The following GPR34 variants were observed in gnomAD, a reference collection of about 807,000 sequenced individuals.
GPR34 encodes probable G protein-coupled receptor 34.
A neutral mutation model predicts 14.1 loss-of-function variants in GPR34; 3 were observed. That is an observed-to-expected ratio of 0.21 (90% confidence interval 0.10 to 0.55). The LOEUF (loss-of-function observed/expected upper bound fraction) is 0.55. Among genes scored for constraint, GPR34 ranks in the 20% least tolerant of loss-of-function variants. The pLI, the probability that GPR34 is intolerant of heterozygous loss-of-function variation, is 0.94. For missense variants in GPR34, 213 were observed against 292.8 expected (o/e 0.73, Z 1.99); for synonymous variants, 99 against 99.9 (o/e 0.99, Z 0.05).
Position 41,696,531 on chromosome X carries a change from T to C in GPR34, c.898T>C (p.Tyr300His), listed in dbSNP as rs751837594. Residue 300 changes from tyrosine to histidine, a missense_variant, in exon 3 of 3, where the codon TAC becomes CAC. Transcript: ENST00000378142. ...TTCACAGCTAAATGTATCATCTTGC[T>C]ACTGGAAAGAAATTGTTCACAAAAC... is the stretch of plus-strand genomic sequence containing the variant. ...ISSQLNVSSC[Y>H]WKEIVHKTNE... 5 of 1,209,033 alleles carry C rather than the reference T, an allele frequency of 4.1e-6. No homozygotes were observed. The South Asian group carries it at 7.0e-5, about 17-fold the overall frequency.
chrX:41,693,626 AAAAC>A (rs781393514), intron 2 of GPR34, among the ~76,000 whole-genome samples: 42 of 111,886 alleles, frequency 3.8e-4, no homozygotes, highest in South Asian at 7.4e-4. Flanking sequence ...AAAACAAAAC[AAAAC>A]AAACAAACAA....
At chrX:41,689,343 G>T (rs1244287377) in intron 1 of GPR34, among the ~76,000 whole-genome samples, 1 of 111,798 alleles carries the variant, frequency 8.9e-6, no homozygotes, top group Non-Finnish European at 1.9e-5. Context: ...TAGTCACATT[G>T]TTGATACTGC....
chrX:41,695,462 T>C (rs746565236), intron 2 of GPR34, 93 bp from the exon 3 acceptor site: 21 of 430,838 alleles, frequency 4.9e-5, no homozygotes, highest in African/African-American at 4.3e-4. Context: ...ACCATAGGCG[T>C]GTGCTGGGAA....
At chrX:41,693,019 A>T (rs1207954882) in intron 2 of GPR34, among the ~76,000 whole-genome samples, 1 of 111,926 alleles carries the variant, frequency 8.9e-6, no homozygotes, top group Non-Finnish European at 1.9e-5. Flanking sequence ...AGAGAGCCGA[A>T]CAAAATTGAC....
chrX:41,690,710 G>A (rs1031149557), intron 2 of GPR34, among the ~76,000 whole-genome samples: 8 of 99,706 alleles, frequency 8.0e-5, no homozygotes, highest in African/African-American at 2.6e-4. Context: ...GTCTTACTCC[G>A]TCACCCAGGC....
chrX:41,692,037 G>A (rs2067576083), intron 2 of GPR34, among the ~76,000 whole-genome samples: 1 of 110,728 alleles, frequency 9.0e-6, no homozygotes, highest in Non-Finnish European at 1.9e-5. Context: ...GGGATTACAG[G>A]CGTGAGCCAC....
intron 2 of GPR34, among the ~76,000 whole-genome samples, chrX:41,691,886 A>G (rs927182800): frequency 9.3e-6 from 1 of 107,561 alleles, no homozygotes; most frequent in Non-Finnish European, 1.9e-5. Flanking sequence ...GCCAAGAGTA[A>G]AGATCATAAC....
chrX:41,695,906 T>C lies in GPR34; in HGVS notation c.273T>C (p.Ile91=), dbSNP rs767887430. 8.3e-7 allele frequency: 1 copy of C among 1,209,484 alleles called. No individual in the cohort carries two copies. Among genetic ancestry groups the C allele is most frequent in the Admixed American group, 2.2e-5 (1 of 45,956 alleles). The change falls in exon 3 of 3, where the codon ATT becomes ATC. Residue 91 remains isoleucine, a synonymous_variant. Coordinates refer to ENST00000378142, the MANE Select transcript of GPR34 (RefSeq NM_001097579.2). ...ACCGTAAAAGAAATTCCATTCAAAT[T>C]TATCTACTTAACGTAGCCATTGCAG... ...GIHRKRNSIQ[I]YLLNVAIADL...
Position 41,695,845 on chromosome X carries a change from G to A in GPR34, c.212G>A (p.Gly71Glu). The A allele has an allele frequency of 2.5e-6, 3 of 1,203,480 alleles. No homozygotes were observed. The highest frequency in any genetic ancestry group is 3.4e-6 in the Non-Finnish European group (3 of 888,164). Reference protein sequence around the residue: ...YSVIFIVGLVGNIIALYVFLG... With the variant: ...YSVIFIVGLVENIIALYVFLG... ...GTTATTTTCATCGTGGGACTGGTTG[G>A]GAACATAATCGCCCTCTATGTATTT... The change falls in exon 3 of 3, where the codon GGG becomes GAG. Residue 71 changes from glycine to glutamate, a missense_variant. Gly to Glu is a moderately conservative substitution (Grantham distance 98). Transcript: ENST00000378142.
At position 41,690,561 on chromosome X, in the gene GPR34, A is replaced by G. The variant is rs190583878; in HGVS notation, c.-80+726A>G. Reference sequence around the variant, plus strand: ...TTTTTAGTAGAGGCAGGGTTTCGCTATGTTGGCCAGGCTGGTCTCGAATTC... The same window carrying G: ...TTTTTAGTAGAGGCAGGGTTTCGCTGTGTTGGCCAGGCTGGTCTCGAATTC... On this transcript the variant is annotated intron_variant, in intron 2 of 2. Transcript: ENST00000378142. 1.7e-3 allele frequency among the ~76,000 whole-genome samples: 170 copies of G among 100,841 alleles called. 14 individuals carry two copies. The East Asian group carries it at 0.024, about 14-fold the overall frequency. 87.6% of individuals were successfully genotyped at this position (100,841 alleles called of 115,157 possible). A position where few individuals can be genotyped will look rare whatever the true frequency, so the allele number is the denominator to read the frequency against.
At position 41,696,734 on chromosome X, in the gene GPR34, T is replaced by C. The variant is rs2067696790; in HGVS notation, c.1101T>C (p.Asp367=). 5.8e-6 allele frequency: 7 copies of C among 1,204,081 alleles called. No individual in the cohort carries two copies. Among genetic ancestry groups the C allele is most frequent in the Non-Finnish European group, 6.7e-6 (6 of 890,267 alleles). The part of the protein sequence containing the change: ...SEFKPGYSLH[D]TSVAVKIQSS... ...TTAAACCAGGATACTCCCTGCATGA[T>C]ACATCTGTGGCAGTGAAAATACAGT... Residue 367 remains aspartate (D), a synonymous_variant, in exon 3 of 3, where the codon GAT becomes GAC. Coordinates refer to ENST00000378142, the MANE Select transcript of GPR34 (RefSeq NM_001097579.2).
At chrX:41,695,440 C>T (rs769929438) in intron 2 of GPR34, 115 bp from the exon 3 acceptor site, 3 of 379,815 alleles carry the variant, frequency 7.9e-6, no homozygotes, top group Non-Finnish European at 1.4e-5. Context: ...TGTAGCCTCC[C>T]GAGTAGCTAG....
chrX:41,692,222 A>G (rs2067581401), intron 2 of GPR34, among the ~76,000 whole-genome samples: 1 of 112,459 alleles, frequency 8.9e-6, no homozygotes, highest in Non-Finnish European at 1.9e-5. Context: ...TAAGAGTTCA[A>G]TTCTGACTGC....
At chrX:41,694,662 G>A (rs1475095042) in intron 2 of GPR34, among the ~76,000 whole-genome samples, 1 of 111,915 alleles carries the variant, frequency 8.9e-6, no homozygotes, top group African/African-American at 3.3e-5. Flanking sequence ...TAGGTTAGGA[G>A]TGGCTAACTG....
Position 41,696,922 on chromosome X carries a change from T to C in GPR34, c.*143T>C, listed in dbSNP as rs1441873616. On this transcript the variant is annotated 3_prime_UTR_variant, in exon 3 of 3. Coordinates refer to ENST00000378142, the MANE Select transcript of GPR34 (RefSeq NM_001097579.2). ...TTGTGATATTTCATTTGCTTAACTG[T>C]AAACCATTTCAAGGTACTAACTTTT... 5.1e-6 allele frequency: 2 copies of C among 392,861 alleles called. No individual in the cohort carries two copies. Among genetic ancestry groups the C allele is most frequent in the Non-Finnish European group, 8.8e-6 (2 of 227,792 alleles). The allele number at this position is 392,861 out of a possible 1,213,427, so 32.4% of individuals were successfully genotyped here. A position where few individuals can be genotyped will look rare whatever the true frequency, so the allele number is the denominator to read the frequency against.
chrX:41,691,254 T>C (rs923013787), intron 2 of GPR34, among the ~76,000 whole-genome samples: 1 of 111,850 alleles, frequency 8.9e-6, no homozygotes, highest in Non-Finnish European at 1.9e-5. Flanking sequence ...TAAAAAGATA[T>C]GCTCTGTGGG....
intron 2 of GPR34, among the ~76,000 whole-genome samples, chrX:41,693,763 C>G (rs955979526): frequency 1.8e-5 from 2 of 111,752 alleles, no homozygotes; most frequent in African/African-American, 6.5e-5. Context: ...CGCTCCCTTC[C>G]TTTCTCCCTC....
At chrX:41,694,716 C>T (rs1384100125) in intron 2 of GPR34, among the ~76,000 whole-genome samples, 3 of 111,821 alleles carry the variant, frequency 2.7e-5, no homozygotes, top group Non-Finnish European at 5.6e-5. Context: ...CTTTTTTCTC[C>T]TGTCCAGTGA....
intron 2 of GPR34, among the ~76,000 whole-genome samples, chrX:41,690,612 C>T (rs1402615968): frequency 1.9e-5 from 2 of 107,617 alleles, no homozygotes; most frequent in Non-Finnish European, 3.8e-5. Flanking sequence ...TTGCCTGCCT[C>T]GGCCTCCCAA....
Sources: gnomAD v4.1 joint callset for allele counts (sites outside exome capture counted in the v4.1 genomes callset) on GRCh38, gnomAD v4.1.1 for gene constraint, MANE v1.5 for transcripts, NCBI Gene and HGNC (gene_info 2026-07-23, HGNC 2026-07-21) for gene names.